HS6ST3: variants seen among roughly 807,000 people sequenced by gnomAD.
HS6ST3 encodes the protein heparan-sulfate 6-O-sulfotransferase 3.
A neutral mutation model predicts 36.7 loss-of-function variants in HS6ST3; 12 were observed. The observed-to-expected ratio is 0.33, with a 90% CI of 0.21 to 0.53. The LOEUF (loss-of-function observed/expected upper bound fraction) is 0.53. Ranked by LOEUF, HS6ST3 falls within the 20% of genes least tolerant of loss-of-function variation. The pLI, the probability that HS6ST3 is intolerant of heterozygous loss-of-function variation, is 0.95. For synonymous variants in HS6ST3, 240 were observed against 257.5 expected (o/e 0.93, Z 0.65); for missense variants, 584 against 640.9 (o/e 0.91, Z 0.96).
intron 1 of HS6ST3, among the ~76,000 whole-genome samples, chr13:96,333,375 T>G (rs933834873): frequency 1.4e-4 from 21 of 152,214 alleles, no homozygotes; most frequent in African/African-American, 4.8e-4. Flanking sequence ...GGAAGATCAT[T>G]AACCTGAAGT....
At chr13:96,675,381 CAT>C (rs1352110758) in intron 1 of HS6ST3, among the ~76,000 whole-genome samples, 4 of 151,710 alleles carry the variant, frequency 2.6e-5, no homozygotes, top group African/African-American at 7.3e-5. Context: ...ATATTTATGT[CAT>C]ATTTATATAT....
intron 1 of HS6ST3, among the ~76,000 whole-genome samples, chr13:96,311,720 C>T (rs964036823): frequency 2.0e-5 from 3 of 152,100 alleles, no homozygotes; most frequent in East Asian, 1.9e-4. Context: ...ATATCCTGTT[C>T]GGAGTAATTG....
intron 1 of HS6ST3, among the ~76,000 whole-genome samples, chr13:96,454,341 G>T (rs2055744492): frequency 6.6e-6 from 1 of 152,062 alleles, no homozygotes; most frequent in African/African-American, 2.4e-5. Flanking sequence ...GTATGAGAGT[G>T]ACTATGTATA....
rs2139477797 is a variant in HS6ST3, at chr13:96,436,654, T to C, written c.707+345085T>C. Among the ~76,000 whole-genome samples the C allele has an allele frequency of 1.3e-5, 2 of 152,284 alleles. 1 individual carries two copies. The highest frequency in any genetic ancestry group is 1.3e-4 in the Admixed American group (2 of 15,292). On this transcript the variant is annotated intron_variant, in intron 1 of 1. Coordinates refer to ENST00000376705, the MANE Select transcript of HS6ST3 (RefSeq NM_153456.4). ...CTTATAAGAAGAAGAAATTTCATCA[T>C]ATAAAAAGGATACAAGGTTTGCGCA... is the stretch of plus-strand genomic sequence containing the variant.
chr13:96,643,617 G>A (rs2056578074), intron 1 of HS6ST3, among the ~76,000 whole-genome samples: 1 of 151,828 alleles, frequency 6.6e-6, no homozygotes, highest in African/African-American at 2.4e-5. Flanking sequence ...AGCTCATTGG[G>A]TGAGCTTTTT....
rs547175411 is a variant in HS6ST3 at position 96,601,673 on chromosome 13, T to C, written c.708-230817T>C. Among the ~76,000 whole-genome samples, 4 of 152,308 alleles carry C rather than the reference T, an allele frequency of 2.6e-5. No individual in the cohort carries two copies. The East Asian group carries it at 7.7e-4, about 29-fold the overall frequency. ...AGTTAGTATAATCTTTTGGGGGTGT[T>C]GCAGAACTCTTTTTTTTCATATTAC... is the stretch of plus-strand genomic sequence containing the variant. On this transcript the variant is annotated intron_variant, in intron 1 of 1. Coordinates refer to ENST00000376705, the MANE Select transcript of HS6ST3 (RefSeq NM_153456.4).
intron 1 of HS6ST3, among the ~76,000 whole-genome samples, chr13:96,698,901 G>A (rs1224124003): frequency 3.3e-5 from 5 of 152,130 alleles, no homozygotes; most frequent in Admixed American, 3.3e-4. Flanking sequence ...CCGAAACAGA[G>A]ATATAGACCA....
At chr13:96,648,362 T>G (rs1026585454) in intron 1 of HS6ST3, among the ~76,000 whole-genome samples, 5 of 152,032 alleles carry the variant, frequency 3.3e-5, no homozygotes, top group Non-Finnish European at 7.4e-5. Flanking sequence ...ATCTCTTGAG[T>G]GCCTCTGGAC....
At chr13:96,213,706 G>A (rs1221361642) in intron 1 of HS6ST3, among the ~76,000 whole-genome samples, 2 of 152,180 alleles carry the variant, frequency 1.3e-5, no homozygotes, top group Non-Finnish European at 2.9e-5. Flanking sequence ...AGTTTTGTAT[G>A]TGGATGTAGC....
At chr13:96,376,630 AT>A (rs1453297062) in intron 1 of HS6ST3, among the ~76,000 whole-genome samples, 4 of 152,174 alleles carry the variant, frequency 2.6e-5, no homozygotes, top group Admixed American at 6.5e-5. Flanking sequence ...TGACTATGAT[AT>A]TATCTATGAC....
chr13:96,091,246 C>G lies in HS6ST3; in HGVS notation c.384C>G (p.Asn128Lys). 2 of 1,603,234 alleles carry G rather than the reference C, an allele frequency of 1.2e-6. No individual in the cohort carries two copies. Among genetic ancestry groups the G allele is most frequent in the Non-Finnish European group, 8.5e-7 (1 of 1,174,780 alleles). Reference protein sequence around the residue: ...GSLPRFVPRFNFSLKDLTRFV... With the variant: ...GSLPRFVPRFKFSLKDLTRFV... ...TGCCCCGATTCGTGCCGCGCTTCAA[C>G]TTCAGCCTGAAGGACCTGACCCGCT... Residue 128 changes from asparagine (N) to lysine (K), a missense_variant, in exon 1 of 2, where the codon AAC (asparagine) becomes AAG (lysine). Coordinates refer to ENST00000376705, the MANE Select transcript of HS6ST3 (RefSeq NM_153456.4).
intron 1 of HS6ST3, among the ~76,000 whole-genome samples, chr13:96,271,475 A>G (rs544312755): frequency 6.6e-5 from 10 of 151,954 alleles, no homozygotes; most frequent in South Asian, 2.1e-4. Context: ...GGTGTAATCA[A>G]TTATTCAATG....
intron 1 of HS6ST3, among the ~76,000 whole-genome samples, chr13:96,460,642 A>T (rs561551422): frequency 1.6e-4 from 25 of 152,300 alleles, no homozygotes; most frequent in South Asian, 4.1e-4. Context: ...ATACATGTGC[A>T]TTGGTATTGA....
chr13:96,272,092 C>T (rs2139388879), intron 1 of HS6ST3, among the ~76,000 whole-genome samples: 1 of 152,078 alleles, frequency 6.6e-6, no homozygotes, highest in Middle Eastern at 3.4e-3. Flanking sequence ...GAGTAATAGC[C>T]TTTAAAGCAA....
intron 1 of HS6ST3, among the ~76,000 whole-genome samples, chr13:96,095,438 C>T (rs1435179523): frequency 6.6e-6 from 1 of 152,134 alleles, no homozygotes; most frequent in Non-Finnish European, 1.5e-5. Flanking sequence ...ATAGTTTGAA[C>T]CCTGTGGATG....
intron 1 of HS6ST3, among the ~76,000 whole-genome samples, chr13:96,130,856 A>G (rs1218642210): frequency 3.6e-5 from 2 of 56,182 alleles, no homozygotes; most frequent in African/African-American, 1.0e-4. Flanking sequence ...CTGCTTTCAG[A>G]TTTTCAACCT....
At chr13:96,694,868 G>A (rs933367429) in intron 1 of HS6ST3, among the ~76,000 whole-genome samples, 4 of 151,512 alleles carry the variant, frequency 2.6e-5, no homozygotes, top group African/African-American at 7.3e-5. Flanking sequence ...ATTTTATGAG[G>A]GAAAAAAACA....
chr13:96,528,994 A>G (rs1594800541), intron 1 of HS6ST3, among the ~76,000 whole-genome samples: 1 of 152,138 alleles, frequency 6.6e-6, no homozygotes, highest in Non-Finnish European at 1.5e-5. Flanking sequence ...TGTTCTTACC[A>G]TGGCATATAT....
intron 1 of HS6ST3, among the ~76,000 whole-genome samples, chr13:96,352,805 G>A (rs1363601512): frequency 6.6e-6 from 1 of 152,126 alleles, no homozygotes; most frequent in Non-Finnish European, 1.5e-5. Flanking sequence ...GTCTTTACCA[G>A]GCATAATTAT....
Sources: gnomAD v4.1 joint callset for allele counts (sites outside exome capture counted in the v4.1 genomes callset) on GRCh38, gnomAD v4.1.1 for gene constraint, MANE v1.5 for transcripts, NCBI Gene and HGNC (gene_info 2026-07-23, HGNC 2026-07-21) for gene names.